The following ZNF385D variants were observed in gnomAD, a reference collection of about 807,000 sequenced individuals.
ZNF385D encodes zinc finger protein 659.
ZNF385D carries 15 observed loss-of-function variants against 35.8 expected under a neutral mutation model. That is an observed-to-expected ratio of 0.42 (90% confidence interval 0.28 to 0.64). The LOEUF is 0.64. Among genes scored for constraint, ZNF385D ranks in the 30% least tolerant of loss-of-function variants. The pLI is 0.23. For synonymous variants in ZNF385D, 212 were observed against 186.8 expected (o/e 1.13, Z -1.10); for missense variants, 474 against 494.6 (o/e 0.96, Z 0.39).
chr3:21,977,738 A>G (rs1039907949), intron 3 of ZNF385D, among the ~76,000 whole-genome samples: 1 of 152,124 alleles, frequency 6.6e-6, no homozygotes, highest in African/African-American at 2.4e-5. Context: ...CGGGAGGCTG[A>G]AGCAAGAGGA....
intron 2 of ZNF385D, among the ~76,000 whole-genome samples, chr3:22,296,914 T>C (rs1356614589): frequency 6.6e-5 from 10 of 152,046 alleles, no homozygotes; most frequent in Non-Finnish European, 1.2e-4. Flanking sequence ...GAGAAGAGAT[T>C]ATACAATAAT....
At chr3:22,099,569 T>C (rs376840042) in intron 3 of ZNF385D, among the ~76,000 whole-genome samples, 1 of 152,070 alleles carries the variant, frequency 6.6e-6, no homozygotes, top group Non-Finnish European at 1.5e-5. Flanking sequence ...AGTGCTCACA[T>C]AGGCTAACGA....
intron 1 of ZNF385D, among the ~76,000 whole-genome samples, chr3:21,747,709 C>G (rs2069846447): frequency 6.6e-6 from 1 of 152,216 alleles, no homozygotes; most frequent in Non-Finnish European, 1.5e-5. Flanking sequence ...AAGCAAATAA[C>G]CTGCCCTTCA....
intron 3 of ZNF385D, among the ~76,000 whole-genome samples, chr3:22,044,718 A>G (rs1212560464): frequency 2.6e-5 from 4 of 152,044 alleles, no homozygotes; most frequent in Admixed American, 1.3e-4. Flanking sequence ...AGGAAGGTGG[A>G]GAGAATGGAT....
intron 3 of ZNF385D, among the ~76,000 whole-genome samples, chr3:22,007,133 G>A (rs1246621900): frequency 6.6e-6 from 1 of 152,118 alleles, no homozygotes; most frequent in African/African-American, 2.4e-5. Context: ...TCTCAGAGAA[G>A]TTTCAATCTC....
At chr3:21,738,429 T>A (rs2069351484) in intron 1 of ZNF385D, among the ~76,000 whole-genome samples, 1 of 152,170 alleles carries the variant, frequency 6.6e-6, no homozygotes, top group Non-Finnish European at 1.5e-5. Context: ...TTGTGAAGAC[T>A]GTTTGGGTTG....
intron 3 of ZNF385D, among the ~76,000 whole-genome samples, chr3:22,165,318 A>G (rs1208588290): frequency 6.6e-6 from 1 of 152,184 alleles, no homozygotes; most frequent in Non-Finnish European, 1.5e-5. Context: ...TTCTTTAAAA[A>G]TAGTCTATTA....
intron 4 of ZNF385D, among the ~76,000 whole-genome samples, chr3:21,460,261 G>A (rs1246784592): frequency 1.3e-5 from 2 of 152,068 alleles, no homozygotes; most frequent in African/African-American, 2.4e-5. Context: ...AATGACTAAC[G>A]TAAATTTGAA....
chr3:21,878,665 C>G (rs1235827586), intron 3 of ZNF385D, among the ~76,000 whole-genome samples: 2 of 151,972 alleles, frequency 1.3e-5, no homozygotes, highest in African/African-American at 2.4e-5. Flanking sequence ...TTTAAATGCT[C>G]TCATTGAAAC....
chr3:22,349,746 T>TGGA (rs573276414), intron 2 of ZNF385D, among the ~76,000 whole-genome samples: 243 of 148,216 alleles, frequency 1.6e-3, no homozygotes, highest in African/African-American at 5.9e-3. Context: ...TCCAGTGCAA[T>TGGA]ATTTATGGTC....
intron 2 of ZNF385D, among the ~76,000 whole-genome samples, chr3:22,239,437 A>T (rs558194566): frequency 6.6e-6 from 1 of 151,166 alleles, no homozygotes; most frequent in South Asian, 2.2e-4. Context: ...GTGAGGGGAA[A>T]ATTCAAGTTT....
At chr3:21,948,223 T>C (rs563121387) in intron 3 of ZNF385D, among the ~76,000 whole-genome samples, 1 of 151,102 alleles carries the variant, frequency 6.6e-6, no homozygotes. Context: ...ATGGCCCTCA[T>C]TTTTTTTACA....
intron 2 of ZNF385D, among the ~76,000 whole-genome samples, chr3:22,279,180 C>T (rs950001119): frequency 2.0e-5 from 3 of 151,826 alleles, no homozygotes; most frequent in Non-Finnish European, 4.4e-5. Flanking sequence ...ATTTAGTGGC[C>T]AATTCTGAGA....
chr3:21,692,144 G>T (rs2067306069), intron 1 of ZNF385D, among the ~76,000 whole-genome samples: 1 of 151,840 alleles, frequency 6.6e-6, no homozygotes, highest in South Asian at 2.1e-4. Flanking sequence ...TGAAGATTTG[G>T]GTTGTTTCCT....
intron 3 of ZNF385D, among the ~76,000 whole-genome samples, chr3:22,103,124 A>C (rs12490860): frequency 1.1e-4 from 17 of 151,640 alleles, no homozygotes; most frequent in African/African-American, 3.9e-4. Context: ...TGTTAATTTA[A>C]TAAGATGGAT....
chr3:21,426,325 A>T (rs1701024954), intron 5 of ZNF385D, among the ~76,000 whole-genome samples: 1 of 152,092 alleles, frequency 6.6e-6, no homozygotes, highest in South Asian at 2.1e-4. Context: ...TGAGGGGTGG[A>T]CTCGTAACCC....
At chr3:21,967,912 G>A (rs905579080) in intron 3 of ZNF385D, among the ~76,000 whole-genome samples, 3 of 152,152 alleles carry the variant, frequency 2.0e-5, no homozygotes, top group Admixed American at 2.0e-4. Context: ...CTAAAAATCA[G>A]GTGAGCAATC....
At chr3:21,464,993 ACT>A (rs1703426483) in intron 4 of ZNF385D, among the ~76,000 whole-genome samples, 2 of 152,048 alleles carry the variant, frequency 1.3e-5, no homozygotes, top group South Asian at 4.2e-4. Flanking sequence ...CCGGCCAAGG[ACT>A]CTGCTACAAA....
intron 4 of ZNF385D, among the ~76,000 whole-genome samples, chr3:21,445,891 A>G (rs1317906673): frequency 5.9e-5 from 9 of 152,166 alleles, no homozygotes; most frequent in Non-Finnish European, 8.8e-5. Flanking sequence ...ATAATTTTTC[A>G]AATAATATTT....
Sources: allele counts gnomAD v4.1 joint callset (sites outside exome capture counted in the v4.1 genomes callset), GRCh38; gene constraint gnomAD v4.1.1; transcripts MANE v1.5; gene names NCBI Gene and HGNC (gene_info 2026-07-23, HGNC 2026-07-21).